The following WDR36 variants were observed in gnomAD, a reference collection of about 807,000 sequenced individuals.
The protein encoded by WDR36 is WD repeat-containing protein 36.
A neutral mutation model predicts 112.7 loss-of-function variants in WDR36; 63 were observed. The observed-to-expected ratio is 0.56, with a 90% confidence interval of 0.46 to 0.69. WDR36 has a LOEUF of 0.69. WDR36 is among the 30% of genes least tolerant of loss of function. The pLI is 0.00. For missense variants in WDR36, 1,226 were observed against 1,070.3 expected (o/e 1.15, Z -2.03); for synonymous variants, 410 against 362.2 (o/e 1.13, Z -1.50).
At chr5:111,107,261 G>C in intron 11 of WDR36, 33 bp from the exon 12 acceptor site, 2 of 1,598,062 alleles carry the variant, frequency 1.3e-6, no homozygotes, top group Non-Finnish European at 1.7e-6. Context: ...AGAATGAAAA[G>C]TAATTTGATT....
intron 6 of WDR36, among the ~76,000 whole-genome samples, chr5:111,103,047 A>T (rs557882946): frequency 6.6e-6 from 1 of 151,634 alleles, no homozygotes; most frequent in East Asian, 1.9e-4. Context: ...AGAAGACTCC[A>T]TAAGTATCAG....
At chr5:111,102,049 A>T (rs1027911991) in intron 5 of WDR36, among the ~76,000 whole-genome samples, 2 of 151,366 alleles carry the variant, frequency 1.3e-5, no homozygotes, top group Non-Finnish European at 3.0e-5. Context: ...GCAGTCCTAA[A>T]TTTTTTTTAC....
chr5:111,104,740 G>A lies in WDR36; in HGVS notation c.950G>A (p.Arg317Lys). 6.2e-7 allele frequency: 1 copy of A among 1,611,450 alleles called. No individual in the cohort carries two copies. Among genetic ancestry groups the A allele is most frequent in the Admixed American group, 1.7e-5 (1 of 59,830 alleles). The part of the protein sequence containing the change: ...DGPTGEGRLL[R>K]FRMGHSAPLT... Reference sequence around the variant, plus strand: ...CCTACAGGTGAAGGCCGACTTTTGAGATTCAGAATGGGTCATAGTGCTCCT... The same window carrying A: ...CCTACAGGTGAAGGCCGACTTTTGAAATTCAGAATGGGTCATAGTGCTCCT... Residue 317 changes from arginine (R) to lysine (K), a missense_variant, in exon 9 of 23, where the codon AGA becomes AAA. By Grantham distance (26) the Arg-to-Lys change is conservative. Transcript: ENST00000513710.
chr5:111,109,152 G>T (rs1263249316), intron 12 of WDR36, among the ~76,000 whole-genome samples: 1 of 151,282 alleles, frequency 6.6e-6, no homozygotes, highest in Non-Finnish European at 1.5e-5. Flanking sequence ...GCAGGACAAT[G>T]TAGGGCCTGT....
intron 16 of WDR36, among the ~76,000 whole-genome samples, chr5:111,116,265 G>A (rs549316591): frequency 3.6e-4 from 54 of 152,026 alleles, no homozygotes; most frequent in African/African-American, 1.2e-3. Context: ...AGTTCTTTGA[G>A]GGGTGAGAAA....
chr5:111,092,722 C>T (rs1042636363), intron 1 of WDR36, 104 bp downstream of exon 1: 2 of 1,278,002 alleles, frequency 1.6e-6, no homozygotes, highest in Non-Finnish European at 2.2e-6. Flanking sequence ...CACGGGCTTC[C>T]CTTCTTTAAC....
chr5:111,093,791 G>T (rs761050767), intron 1 of WDR36, among the ~76,000 whole-genome samples: 9 of 152,132 alleles, frequency 5.9e-5, no homozygotes, highest in Admixed American at 2.0e-4. Flanking sequence ...TACTTCCAAA[G>T]AAACCCTGTG....
At chr5:111,115,924 G>T (rs1328979619) in intron 16 of WDR36, among the ~76,000 whole-genome samples, 1 of 151,900 alleles carries the variant, frequency 6.6e-6, no homozygotes, top group South Asian at 2.1e-4. Context: ...TGATCTAATA[G>T]AAATTCAGAT....
chr5:111,110,399 G>A, intron 13 of WDR36, 96 bp downstream of exon 13: 1 of 1,028,210 alleles, frequency 9.7e-7, no homozygotes, highest in Admixed American at 1.8e-5. Context: ...TGGGCATTTT[G>A]CTAAAGTTGA....
At chr5:111,107,273 A>C (rs757131466) in intron 11 of WDR36, 21 bp from the exon 12 acceptor site, 1 of 1,605,188 alleles carries the variant, frequency 6.2e-7, no homozygotes, top group Non-Finnish European at 8.5e-7. Context: ...AATTTGATTT[A>C]TGATTTTCAT....
intron 21 of WDR36, 138 bp downstream of exon 21, chr5:111,124,327 TG>T (rs1753632269): frequency 1.4e-6 from 1 of 713,670 alleles, no homozygotes; most frequent in African/African-American, 1.8e-5. Flanking sequence ...GGTTTTAATT[TG>T]ACGTAATTTT....
At chr5:111,099,409 C>G (rs1040426693) in intron 4 of WDR36, among the ~76,000 whole-genome samples, 1 of 127,724 alleles carries the variant, frequency 7.8e-6, no homozygotes, top group African/African-American at 2.8e-5. Flanking sequence ...GTTCTTTAAT[C>G]TGGTTACATT....
In WDR36 at chr5:111,097,148, A is replaced by G; in HGVS notation, c.260A>G (p.Asn87Ser). The G allele has an allele frequency of 2.5e-6, 4 of 1,613,680 alleles. No homozygotes were observed. The highest frequency in any genetic ancestry group is 1.7e-4 in the Middle Eastern group (1 of 6,058). ...AGATTAGTCTTTGCTGCTTATGGAA[A>G]TGTTTTCTCTGCATTTGCCCGTAAT... ...DGRLVFAAYGNVFSAFARNKE... is the reference protein window; with the variant it reads ...DGRLVFAAYGSVFSAFARNKE... The change falls in exon 3 of 23, where the codon AAT becomes AGT. Residue 87 changes from asparagine to serine, a missense_variant. Physicochemically the swap from Asn to Ser is conservative, Grantham distance 46. Transcript: ENST00000513710.
At chr5:111,109,301 T>C (rs1294175503) in intron 12 of WDR36, among the ~76,000 whole-genome samples, 1 of 151,436 alleles carries the variant, frequency 6.6e-6, no homozygotes, top group Non-Finnish European at 1.5e-5. Context: ...AAATGCTTTT[T>C]AACCATAGTA....
At chr5:111,097,526 C>A (rs1305344361) in intron 3 of WDR36, among the ~76,000 whole-genome samples, 4 of 152,140 alleles carry the variant, frequency 2.6e-5, no homozygotes, top group Admixed American at 2.0e-4. Context: ...AAAATACTTT[C>A]CTAGAAAATT....
At chr5:111,125,827 T>A in intron 22 of WDR36, 32 bp downstream of exon 22, 1 of 1,611,268 alleles carries the variant, frequency 6.2e-7, no homozygotes, top group South Asian at 1.1e-5. Flanking sequence ...ACTGCCCAGC[T>A]TGTCTTCTTC....
intron 9 of WDR36, 76 bp from the exon 10 acceptor site, chr5:111,105,218 AT>A: frequency 1.4e-6 from 2 of 1,463,874 alleles, no homozygotes; most frequent in Non-Finnish European, 9.5e-7. Flanking sequence ...TTCAAATTGA[AT>A]TTTATAAAAT....
rs974085630 is a variant in WDR36 at position 111,128,888 on chromosome 5, T to G, written c.*2005T>G. 2.6e-5 allele frequency: 5 copies of G among 191,584 alleles called. No homozygotes were observed. Among genetic ancestry groups the G allele is most frequent in the Non-Finnish European group, 5.5e-5 (5 of 91,536 alleles). 11.9% of individuals were successfully genotyped at this position (191,584 alleles called of 1,614,324 possible). A position where few individuals can be genotyped will look rare whatever the true frequency, so the allele number is the denominator to read the frequency against. On this transcript the variant is annotated 3_prime_UTR_variant, in exon 23 of 23. Transcript: ENST00000513710. ...GCTTGTGTGCTTTTTGAAAACCATC[T>G]TCAGTCCCAATATCCTCTGTAGAAG...
intron 21 of WDR36, 71 bp downstream of exon 21, chr5:111,124,260 G>C: frequency 7.9e-7 from 1 of 1,257,876 alleles, no homozygotes; most frequent in Non-Finnish European, 1.1e-6. Context: ...AGAAATTGAA[G>C]GAAATATCAG....
Sources: allele counts gnomAD v4.1 joint callset (sites outside exome capture counted in the v4.1 genomes callset), GRCh38; gene constraint gnomAD v4.1.1; transcripts MANE v1.5; gene names NCBI Gene and HGNC (gene_info 2026-07-23, HGNC 2026-07-21).